The following ST3GAL1 variants were observed in gnomAD, a reference collection of about 807,000 sequenced individuals.
ST3GAL1 encodes ST3 beta-galactoside alpha-2,3-sialyltransferase 1.
ST3GAL1 carries 16 observed loss-of-function variants against 34.1 expected under a neutral mutation model. That is an observed-to-expected ratio of 0.47 (90% confidence interval 0.32 to 0.71). ST3GAL1 has a LOEUF of 0.71. Ranked by LOEUF, ST3GAL1 falls within the 30% of genes least tolerant of loss-of-function variation. ST3GAL1 has a pLI of 0.04. For synonymous variants in ST3GAL1, 191 were observed against 184.7 expected, an observed-to-expected ratio of 1.03 and a Z score of -0.28; for missense variants, 353 against 447.4, an observed-to-expected ratio of 0.79 and a Z score of 1.90.
At chr8:133,536,673 CA>C (rs1818321314) in intron 2 of ST3GAL1, among the ~76,000 whole-genome samples, 1 of 152,120 alleles carries the variant, frequency 6.6e-6, no homozygotes, top group African/African-American at 2.4e-5. Flanking sequence ...ATCACGGGCT[CA>C]GTGAGGAACC....
chr8:133,502,426 T>TAAAA (rs57572575), intron 2 of ST3GAL1, among the ~76,000 whole-genome samples: 45 of 140,662 alleles, frequency 3.2e-4, no homozygotes, highest in East Asian at 2.1e-3. Flanking sequence ...GATGTCCTTA[T>TAAAA]AAAAAAAAAA....
intron 2 of ST3GAL1, among the ~76,000 whole-genome samples, chr8:133,530,181 A>C (rs1441983395): frequency 6.6e-6 from 1 of 152,146 alleles, no homozygotes; most frequent in Non-Finnish European, 1.5e-5. Flanking sequence ...TCCTATTCAG[A>C]ATGCCTTCCA....
intron 1 of ST3GAL1, among the ~76,000 whole-genome samples, chr8:133,557,048 T>A (rs73361367): frequency 2.0e-5 from 3 of 152,126 alleles, no homozygotes; most frequent in Non-Finnish European, 4.4e-5. Context: ...CTTCAGGCAA[T>A]GGCCAACCTC....
rs200642820 is a variant in ST3GAL1 at position 133,459,848 on chromosome 8, C to T, written c.939G>A (p.Thr313=). 49 of 1,614,146 alleles carry T rather than the reference C, an allele frequency of 3.0e-5. No individual in the cohort carries two copies. The highest frequency in any genetic ancestry group is 4.5e-5 in the East Asian group (2 of 44,870). ...NNPSAGAFRK[T]GVHDADFESN... is the part of the protein sequence containing the mutation. The stretch of plus-strand genomic sequence containing the variant: ...ACTCAAAGTCTGCATCGTGCACCCC[C>T]GTCTTGCGAAAAGCCCCCGCGGATG... Residue 313 remains threonine (T), a synonymous_variant, in exon 10 of 10, where the codon ACG becomes ACA. Transcript: ENST00000522652. This position sits in a 1 kb window ranked among gnomAD's most constrained non-coding sequence, Gnocchi z 4.7.
intron 9 of ST3GAL1, 105 bp from the exon 10 acceptor site, chr8:133,460,042 A>T (rs1399800702): frequency 8.1e-7 from 1 of 1,236,838 alleles, no homozygotes; most frequent in East Asian, 2.6e-5. Context: ...GACCATAAAC[A>T]GCATTTCCAA....
chr8:133,567,434 G>A (rs952204731), intron 1 of ST3GAL1: 1 of 152,178 alleles, frequency 6.6e-6, no homozygotes, highest in Non-Finnish European at 1.5e-5. Context: ...ACAGTCCAGT[G>A]ACTTCCCCTC....
intron 5 of ST3GAL1, among the ~76,000 whole-genome samples, chr8:133,468,882 G>A (rs1461776497): frequency 6.6e-6 from 1 of 152,206 alleles, no homozygotes; most frequent in Non-Finnish European, 1.5e-5. Flanking sequence ...GAGGACCACA[G>A]CCAGACTCCC....
chr8:133,541,147 A>AGAGAGAGAGAGAGAGAGAGAGAGAGAGG (rs1209540597), intron 2 of ST3GAL1, among the ~76,000 whole-genome samples: 4 of 125,476 alleles, frequency 3.2e-5, no homozygotes, highest in East Asian at 2.4e-4. Flanking sequence ...AGAGAGAGAG[A>AGAGAGAGAGAGAGAGAGAGAGAGAGAGG]GAGAGACTGT....
At chr8:133,557,672 A>G (rs1014539905) in intron 1 of ST3GAL1, among the ~76,000 whole-genome samples, 1 of 152,088 alleles carries the variant, frequency 6.6e-6, no homozygotes, top group East Asian at 1.9e-4. Flanking sequence ...ACATGGTGAA[A>G]CCCTGTCTCT....
intron 1 of ST3GAL1, among the ~76,000 whole-genome samples, chr8:133,551,594 G>GAAAGAAAGAAAGAA (rs1818859680): frequency 6.6e-6 from 1 of 150,442 alleles, no homozygotes; most frequent in African/African-American, 2.5e-5. Flanking sequence ...AAGAAAGAAA[G>GAAAGAAAGAAAGAA]AAAGAAAGAA....
intron 2 of ST3GAL1, among the ~76,000 whole-genome samples, chr8:133,529,910 C>A (rs1232722584): frequency 6.6e-6 from 1 of 152,186 alleles, no homozygotes; most frequent in Non-Finnish European, 1.5e-5. Context: ...CCCTCTGCTG[C>A]CAGCACTCCC....
chr8:133,541,060 T>TATATAGACATATATAGAC (rs560020738), intron 2 of ST3GAL1, among the ~76,000 whole-genome samples: 1 of 46,076 alleles, frequency 2.2e-5, no homozygotes, highest in African/African-American at 8.5e-5. Flanking sequence ...TATAGACATA[T>TATATAGACATATATAGAC]ATATATAGAC....
At chr8:133,557,334 T>C (rs1819070430) in intron 1 of ST3GAL1, among the ~76,000 whole-genome samples, 1 of 152,190 alleles carries the variant, frequency 6.6e-6, no homozygotes, top group African/African-American at 2.4e-5. Context: ...ATAGGATATG[T>C]GGTACCCATG....
In ST3GAL1 at chr8:133,571,220, C is replaced by T. The variant is rs1378382923; in HGVS notation, c.-582+473G>A. ...GGTGTCCCAGCCTGTGACCCCAAATCCGCTCGAGAGCGCCTGAGCCCGGCC... is the reference window on the plus strand; with the variant it reads ...GGTGTCCCAGCCTGTGACCCCAAATTCGCTCGAGAGCGCCTGAGCCCGGCC... On this transcript the variant is annotated intron_variant, in intron 1 of 9. Coordinates refer to ENST00000522652, the MANE Select transcript of ST3GAL1 (RefSeq NM_173344.3). This position sits in a 1 kb window ranked among gnomAD's most constrained non-coding sequence, Gnocchi z 6.7. Among the ~76,000 whole-genome samples the T allele has an allele frequency of 6.6e-6, 1 of 152,188 alleles. No individual in the cohort carries two copies. Among genetic ancestry groups the T allele is most frequent in the East Asian group, 1.9e-4 (1 of 5,162 alleles).
intron 2 of ST3GAL1, among the ~76,000 whole-genome samples, chr8:133,533,610 G>A (rs1347969347): frequency 6.6e-6 from 1 of 152,142 alleles, no homozygotes; most frequent in African/African-American, 2.4e-5. Flanking sequence ...AGATCCACTT[G>A]CCCGTCAAAC....
chr8:133,510,339 C>T (rs910512581), intron 2 of ST3GAL1, among the ~76,000 whole-genome samples: 1 of 152,170 alleles, frequency 6.6e-6, no homozygotes, highest in African/African-American at 2.4e-5. Flanking sequence ...ATACCATCAC[C>T]CCTTCACCTC....
chr8:133,506,688 G>C (rs752047464), intron 2 of ST3GAL1, among the ~76,000 whole-genome samples: 40 of 152,130 alleles, frequency 2.6e-4, no homozygotes, highest in Non-Finnish European at 5.1e-4. Flanking sequence ...AGGAGGCTGA[G>C]GCAGGAGAAT....
chr8:133,470,595 T>C (rs1287553895), intron 5 of ST3GAL1, among the ~76,000 whole-genome samples: 2 of 152,176 alleles, frequency 1.3e-5, no homozygotes, highest in African/African-American at 4.8e-5. Flanking sequence ...CCTGAGCTCC[T>C]TGGGAAGCAC....
chr8:133,546,357 C>G (rs1818669376), intron 1 of ST3GAL1, among the ~76,000 whole-genome samples: 2 of 151,966 alleles, frequency 1.3e-5, no homozygotes, highest in South Asian at 2.1e-4. Context: ...GTGGCGCACA[C>G]CTGTAGTCTC....
Sources: gnomAD v4.1 joint callset for allele counts (sites outside exome capture counted in the v4.1 genomes callset) on GRCh38, gnomAD v4.1.1 for gene constraint, Gnocchi (gnomAD v3.1) non-coding constraint, MANE v1.5 for transcripts, NCBI Gene and HGNC (gene_info 2026-07-23, HGNC 2026-07-21) for gene names.